SUPT3H: variants seen among roughly 807,000 people sequenced by gnomAD.
SUPT3H encodes SPT3 homolog, SAGA and STAGA complex component, also known as transcription initiation protein SPT3 homolog.
SUPT3H carries 44 observed loss-of-function variants against 44.3 expected under a neutral mutation model. The observed-to-expected ratio is 0.99, with a 90% CI of 0.78 to 1.28. SUPT3H has a LOEUF of 1.28. SUPT3H is among the 50% of genes most tolerant of loss of function. The probability of loss-of-function intolerance (pLI) is 0.00; values close to 1 mark genes in which losing one functional copy is unlikely to be tolerated. For synonymous variants in SUPT3H, 124 were observed against 125.6 expected (o/e 0.99, Z 0.09); for missense variants, 380 against 387.1 (o/e 0.98, Z 0.15).
intron 2 of SUPT3H, among the ~76,000 whole-genome samples, chr6:45,268,967 T>C (rs1048410220): frequency 2.0e-5 from 3 of 152,166 alleles, no homozygotes; most frequent in Admixed American, 6.6e-5. Flanking sequence ...AAAGATGGTG[T>C]CATGCAGAGC....
downstream of SUPT3H, among the ~76,000 whole-genome samples, chr6:44,823,335 C>T (rs1004495040): frequency 5.9e-5 from 9 of 152,042 alleles, no homozygotes; most frequent in African/African-American, 2.2e-4. Flanking sequence ...TGTGCTGAGA[C>T]AGGCAGGAAA....
intron 2 of SUPT3H, among the ~76,000 whole-genome samples, chr6:45,110,675 C>T (rs751180547): frequency 6.6e-6 from 1 of 151,934 alleles, no homozygotes; most frequent in Non-Finnish European, 1.5e-5. Context: ...AAGATGCTAC[C>T]CAAATATAGC....
intron 3 of SUPT3H, among the ~76,000 whole-genome samples, chr6:45,065,168 G>A (rs1266096781): frequency 6.6e-5 from 10 of 151,700 alleles, no homozygotes; most frequent in Admixed American, 1.3e-4. Flanking sequence ...ACTCAAAGCC[G>A]CTCAACTATA....
intron 2 of SUPT3H, among the ~76,000 whole-genome samples, chr6:45,187,033 G>A (rs1417958882): frequency 6.7e-6 from 1 of 150,110 alleles, no homozygotes; most frequent in African/African-American, 2.5e-5. Context: ...TACTTGGGAG[G>A]CTGCGGCCAG....
chr6:45,168,344 G>T (rs539619471), intron 2 of SUPT3H, among the ~76,000 whole-genome samples: 13 of 152,176 alleles, frequency 8.5e-5, no homozygotes, highest in African/African-American at 3.1e-4. Flanking sequence ...TGGAATATTT[G>T]CATTACACTG....
intron 2 of SUPT3H, among the ~76,000 whole-genome samples, chr6:45,276,490 TC>T (rs1288003096): frequency 1.3e-5 from 2 of 152,138 alleles, no homozygotes; most frequent in Non-Finnish European, 2.9e-5. Flanking sequence ...TCTTCACCCC[TC>T]CCCATATCTG....
Position 44,811,412 on chromosome 6 carries a change from G to A in SUPT3H, c.*53-1911C>T, listed in dbSNP as rs573547978. Among the ~76,000 whole-genome samples, 10 of 152,336 alleles carry A rather than the reference G, an allele frequency of 6.6e-5. No homozygotes were observed. In the East Asian group the frequency reaches 1.3e-3, roughly 21 times the overall value. On this transcript the variant is annotated intron_variant and NMD_transcript_variant, in intron 11 of 11. Coordinates refer to the SUPT3H transcript ENST00000475057. ...TGACTTTATTTGGAGGTTAAACATG[G>A]TTAAAAGATGTATGTATGGGTACCA...
chr6:44,922,063 T>C (rs915111464), intron 10 of SUPT3H, among the ~76,000 whole-genome samples: 4 of 152,234 alleles, frequency 2.6e-5, no homozygotes, highest in Non-Finnish European at 5.9e-5. Flanking sequence ...TGGGAGAACC[T>C]ATCCAGGTGC....
intron 9 of SUPT3H, among the ~76,000 whole-genome samples, chr6:44,941,733 AG>A (rs1274390817): frequency 6.6e-6 from 1 of 152,206 alleles, no homozygotes; most frequent in Non-Finnish European, 1.5e-5. Context: ...CTACAACAAT[AG>A]TATTACAGAT....
intron 3 of SUPT3H, among the ~76,000 whole-genome samples, chr6:45,072,031 A>G (rs980320832): frequency 3.3e-5 from 5 of 152,286 alleles, no homozygotes; most frequent in South Asian, 4.1e-4. Flanking sequence ...AATATATATG[A>G]CATTCCTACT....
At chr6:45,075,260 A>G (rs1794864170) in intron 3 of SUPT3H, among the ~76,000 whole-genome samples, 1 of 152,068 alleles carries the variant, frequency 6.6e-6, no homozygotes, top group Non-Finnish European at 1.5e-5. Context: ...ATACCTTCCT[A>G]AACAGTTAAC....
At position 44,970,454 on chromosome 6, in the gene SUPT3H, G is replaced by A. The variant is rs368504094; in HGVS notation, c.505-8626C>T. Among the ~76,000 whole-genome samples the A allele has an allele frequency of 1.2e-4, 18 of 152,028 alleles. No homozygotes were observed. In the East Asian group the frequency reaches 2.1e-3, roughly 18 times the overall value. ...TTCCTTAAAATTGTAAATATGCTCT[G>A]GAATAACTCGGTTGGCAAATAACAT... On this transcript the variant is annotated intron_variant, in intron 6 of 10. Coordinates refer to ENST00000371459, the MANE Select transcript of SUPT3H (RefSeq NM_003599.4).
At chr6:44,954,418 A>G (rs1324467964) in intron 8 of SUPT3H, 77 bp downstream of exon 8, 20 of 1,000,690 alleles carry the variant, frequency 2.0e-5, no homozygotes, top group Non-Finnish European at 3.2e-5. Flanking sequence ...AGCAGCAGGG[A>G]GAAGAAGAAT....
intron 2 of SUPT3H, among the ~76,000 whole-genome samples, chr6:45,355,947 T>C (rs1211998130): frequency 6.6e-6 from 1 of 152,124 alleles, no homozygotes; most frequent in East Asian, 1.9e-4. Flanking sequence ...TACTAACCAG[T>C]GTAATACAGG....
chr6:44,868,700 C>T (rs553343119), intron 10 of SUPT3H, among the ~76,000 whole-genome samples: 1 of 152,272 alleles, frequency 6.6e-6, no homozygotes, highest in South Asian at 2.1e-4. Flanking sequence ...CTTTGGAGCT[C>T]CTTAGCTCTG....
intron 6 of SUPT3H, among the ~76,000 whole-genome samples, chr6:44,984,480 C>A (rs183663314): frequency 6.6e-6 from 1 of 152,198 alleles, no homozygotes; most frequent in Admixed American, 6.5e-5. Context: ...AGATACACAT[C>A]CTTATAAAAT....
At position 44,876,576 on chromosome 6, in the gene SUPT3H, C is replaced by T. The variant is rs555882996; in HGVS notation, c.913-46719G>A. Among the ~76,000 whole-genome samples, 26 of 147,366 alleles carry T rather than the reference C, an allele frequency of 1.8e-4. No homozygotes were observed. In the South Asian group the frequency reaches 4.3e-3, roughly 25 times the overall value. On this transcript the variant is annotated intron_variant, in intron 10 of 10. Transcript: ENST00000371459. ...CTAGATGATACGTTAGTGGGTGCAG[C>T]GCACCAGCATGGCACATGTATACAT...
At chr6:44,886,314 G>A (rs1051823019) in intron 10 of SUPT3H, among the ~76,000 whole-genome samples, 3 of 151,990 alleles carry the variant, frequency 2.0e-5, no homozygotes, top group Admixed American at 6.6e-5. Flanking sequence ...ACACATAATT[G>A]TCAGATTCAC....
At chr6:45,154,882 C>T (rs1456567615) in intron 2 of SUPT3H, among the ~76,000 whole-genome samples, 1 of 152,130 alleles carries the variant, frequency 6.6e-6, no homozygotes, top group East Asian at 1.9e-4. Context: ...TTTCAGAGAA[C>T]CTTCAGAGGG....
Sources: allele counts gnomAD v4.1 joint callset (sites outside exome capture counted in the v4.1 genomes callset), GRCh38; gene constraint gnomAD v4.1.1; transcripts MANE v1.5; gene names NCBI Gene and HGNC (gene_info 2026-07-23, HGNC 2026-07-21).